The following MTHFD1 variants were observed in gnomAD, a reference collection of about 807,000 sequenced individuals.
MTHFD1 encodes the protein C-1-tetrahydrofolate synthase, cytoplasmic.
In MTHFD1, 44 loss-of-function variants were observed where a neutral mutation model predicts 110.3. The observed-to-expected ratio is 0.40, with a 90% CI of 0.31 to 0.51. MTHFD1 has a LOEUF of 0.51. MTHFD1 is among the 20% of genes least tolerant of loss of function. The pLI, the probability that MTHFD1 is intolerant of heterozygous loss-of-function variation, is 0.60. For synonymous variants in MTHFD1, 402 were observed against 428.8 expected, an observed-to-expected ratio of 0.94 and a Z score of 0.77; for missense variants, 909 against 1,173.1, an observed-to-expected ratio of 0.77 and a Z score of 3.29.
chr14:64,420,059 G>C, intron 8 of MTHFD1, 134 bp downstream of exon 8: 2 of 742,202 alleles, frequency 2.7e-6, no homozygotes, highest in South Asian at 3.0e-5. Context: ...ACTAGCCCAA[G>C]GGTGCACAGA....
chr14:64,425,805 A>G lies in MTHFD1; in HGVS notation c.931A>G (p.Asn311Asp). 6.2e-7 allele frequency: 1 copy of G among 1,613,910 alleles called. No homozygotes were observed. The highest frequency in any genetic ancestry group is 8.5e-7 in the Non-Finnish European group (1 of 1,179,894). ...GKWMIQYNNL[N>D]LKTPVPSDID... ...GTGGATGATTCAGTATAACAACCTT[A>G]ACCTCAAGACACCTGTTCCAAGGTA... The change falls in exon 10 of 28, where the codon AAC (asparagine) becomes GAC (aspartate). Residue 311 changes from asparagine (N) to aspartate (D), a missense_variant. By Grantham distance (23) the Asn-to-Asp change is conservative. Coordinates refer to ENST00000652337, the MANE Select transcript of MTHFD1 (RefSeq NM_005956.4).
chr14:64,431,915 C>G, intron 15 of MTHFD1, 54 bp downstream of exon 15: 1 of 1,487,118 alleles, frequency 6.7e-7, no homozygotes, highest in Non-Finnish European at 9.4e-7. Context: ...GGAATCTGAT[C>G]ATTGATTAGG....
At position 64,388,509 on chromosome 14, in the gene MTHFD1, G is replaced by T. The variant is rs762608792; in HGVS notation, c.41+41G>T. ...TGTTGTTGAGTGTGGGGCTGTGGAC[G>T]AGGGCTCTGAGGGTGTGCAGGTCCC... On this transcript the variant is annotated intron_variant, in intron 1 of 27. Transcript: ENST00000652337. 4.4e-6 allele frequency: 7 copies of T among 1,580,980 alleles called. 1 individual carries two copies. Among genetic ancestry groups the T allele is most frequent in the Non-Finnish European group, 3.5e-6 (4 of 1,151,274 alleles).
At position 64,412,508 on chromosome 14, in the gene MTHFD1, AC is replaced by A; in HGVS notation, c.224del (p.Thr75LysfsTer7). The A allele has an allele frequency of 6.2e-7, 1 of 1,613,572 alleles. No individual in the cohort carries two copies. Among genetic ancestry groups the A allele is most frequent in the Non-Finnish European group, 8.5e-7 (1 of 1,179,482 alleles). On this transcript the variant is annotated frameshift_variant, in exon 4 of 28. Coordinates refer to ENST00000652337, the MANE Select transcript of MTHFD1 (RefSeq NM_005956.4). LOFTEE classifies it high-confidence loss of function. ...AGCCACTCACATTAAGTTACCAAGAACAACCACAGAATCTGAGGTGAGCTTT... is the reference window on the plus strand; with the variant it reads ...AGCCACTCACATTAAGTTACCAAGAAAACCACAGAATCTGAGGTGAGCTTT... ...IKATHIKLPR[T>X]TTESEVMKYI...
chr14:64,405,210 G>A (rs553360956), intron 2 of MTHFD1, among the ~76,000 whole-genome samples: 5 of 152,252 alleles, frequency 3.3e-5, no homozygotes, highest in African/African-American at 1.2e-4. Flanking sequence ...ATTGTTTGTT[G>A]TAGAAAGAGT....
At chr14:64,392,315 A>G (rs2077812999) in intron 1 of MTHFD1, among the ~76,000 whole-genome samples, 1 of 152,158 alleles carries the variant, frequency 6.6e-6, no homozygotes, top group Non-Finnish European at 1.5e-5. Flanking sequence ...AGATTATGCA[A>G]AGTGGGAGAA....
intron 22 of MTHFD1, 89 bp from the exon 23 acceptor site, chr14:64,448,128 G>A: frequency 2.2e-6 from 2 of 898,496 alleles, no homozygotes; most frequent in South Asian, 2.8e-5. Flanking sequence ...AGTGGCTGCT[G>A]GCTCAAGGAG....
At chr14:64,455,602 T>C (rs2078458937) in intron 26 of MTHFD1, among the ~76,000 whole-genome samples, 2 of 152,356 alleles carry the variant, frequency 1.3e-5, no homozygotes, top group South Asian at 4.1e-4. Context: ...CTACAGATTG[T>C]ACTGCCATGC....
intron 1 of MTHFD1, 42 bp downstream of exon 1, chr14:64,388,510 A>G: frequency 6.3e-7 from 1 of 1,582,530 alleles, no homozygotes; most frequent in African/African-American, 1.3e-5. Flanking sequence ...GCTGTGGACG[A>G]GGGCTCTGAG....
At chr14:64,426,389 T>A (rs1406423552) in intron 11 of MTHFD1, among the ~76,000 whole-genome samples, 197 bp downstream of exon 11, 2 of 152,166 alleles carry the variant, frequency 1.3e-5, no homozygotes, top group African/African-American at 4.8e-5. Flanking sequence ...GATGAGAAAA[T>A]TGGTCAAGGT....
At chr14:64,426,338 C>A in intron 11 of MTHFD1, 146 bp downstream of exon 11, 1 of 925,176 alleles carries the variant, frequency 1.1e-6, no homozygotes, top group Non-Finnish European at 1.7e-6. Context: ...TTGATCCTTA[C>A]AGCAATCCTG....
intron 19 of MTHFD1, 172 bp downstream of exon 19, chr14:64,441,625 T>C (rs2078249380): frequency 7.0e-5 from 45 of 642,482 alleles, no homozygotes; most frequent in South Asian, 5.7e-4. Context: ...GCTAACATGG[T>C]GAAACCCCGT....
chr14:64,397,420 G>A (rs1432990648), intron 1 of MTHFD1, among the ~76,000 whole-genome samples: 2 of 151,444 alleles, frequency 1.3e-5, no homozygotes, highest in Admixed American at 6.6e-5. Context: ...AGCCTCCTGA[G>A]TAGCTGAGAC....
rs761445961 is a variant in MTHFD1 at position 64,439,168 on chromosome 14, G to A, written c.1670G>A (p.Arg557Gln). The A allele has an allele frequency of 6.4e-5, 104 of 1,612,758 alleles. No individual in the cohort carries two copies. The highest frequency in any genetic ancestry group is 8.6e-5 in the Non-Finnish European group (101 of 1,178,896). Residue 557 changes from arginine to glutamine, a missense_variant, in exon 17 of 28, where the codon CGG becomes CAG. Physicochemically the swap from Arg to Gln is conservative, Grantham distance 43. Coordinates refer to ENST00000652337, the MANE Select transcript of MTHFD1 (RefSeq NM_005956.4). ...GCTCCAACGGAGAAGGGTCACACAC[G>A]GACGGTAACAATTTGTCCCTTTCCA... ...GQAPTEKGHT[R>Q]TAQFDISVAS...
intron 1 of MTHFD1, among the ~76,000 whole-genome samples, chr14:64,396,461 G>A (rs181626919): frequency 1.3e-5 from 2 of 148,614 alleles, no homozygotes; most frequent in Admixed American, 6.7e-5. Flanking sequence ...GCGCGATCTC[G>A]GCTCACCGCA....
intron 15 of MTHFD1, among the ~76,000 whole-genome samples, 172 bp from the exon 16 acceptor site, chr14:64,435,397 T>G (rs2078198304): frequency 6.6e-6 from 1 of 152,176 alleles, no homozygotes; most frequent in African/African-American, 2.4e-5. Context: ...ATGTCTTTCT[T>G]TAGGCTGACA....
chr14:64,398,019 G>A (rs779552058), intron 1 of MTHFD1, among the ~76,000 whole-genome samples: 3 of 152,046 alleles, frequency 2.0e-5, no homozygotes, highest in Non-Finnish European at 4.4e-5. Flanking sequence ...CTGTGTAGGG[G>A]TATTAGGCTA....
intron 24 of MTHFD1, among the ~76,000 whole-genome samples, chr14:64,450,416 C>T (rs2078352214): frequency 6.6e-6 from 1 of 152,130 alleles, no homozygotes; most frequent in Non-Finnish European, 1.5e-5. Context: ...CCCTCACATG[C>T]AAAACCAAAG....
chr14:64,427,248 G>A (rs1430576655), intron 11 of MTHFD1, 89 bp from the exon 12 acceptor site: 2 of 1,448,126 alleles, frequency 1.4e-6, no homozygotes, highest in Middle Eastern at 2.4e-4. Flanking sequence ...TAGATTACGA[G>A]TCATTCTCTA....
Sources: allele counts gnomAD v4.1 joint callset (sites outside exome capture counted in the v4.1 genomes callset), GRCh38; gene constraint gnomAD v4.1.1; transcripts MANE v1.5; gene names NCBI Gene and HGNC (gene_info 2026-07-23, HGNC 2026-07-21).